The following NKAIN2 variants were observed in gnomAD, a reference collection of about 807,000 sequenced individuals.
NKAIN2 encodes sodium/potassium-transporting ATPase subunit beta-1-interacting protein 2.
In NKAIN2, 14 loss-of-function variants were observed where a neutral mutation model predicts 32.6. The observed-to-expected ratio is 0.43, with a 90% CI of 0.28 to 0.67. NKAIN2 has a LOEUF of 0.67. Ranked by LOEUF, NKAIN2 falls within the 30% of genes least tolerant of loss-of-function variation. The probability of loss-of-function intolerance (pLI) is 0.17; values close to 1 mark genes in which losing one functional copy is unlikely to be tolerated. For synonymous variants in NKAIN2, 80 were observed against 87.2 expected, an observed-to-expected ratio of 0.92 and a Z score of 0.46; for missense variants, 198 against 258.3, an observed-to-expected ratio of 0.77 and a Z score of 1.60.
chr6:124,712,076 C>T (rs1026536848), intron 4 of NKAIN2, among the ~76,000 whole-genome samples: 6 of 151,348 alleles, frequency 4.0e-5, no homozygotes, highest in South Asian at 2.1e-4. Flanking sequence ...AATACCCTGC[C>T]GTGTGAGGTG....
At chr6:124,715,320 C>T (rs573522128) in intron 4 of NKAIN2, among the ~76,000 whole-genome samples, 10 of 152,262 alleles carry the variant, frequency 6.6e-5, no homozygotes, top group Admixed American at 1.3e-4. Flanking sequence ...ATTAGGAGAA[C>T]GGGGTCACAT....
At chr6:123,831,121 CTT>C in intron 1 of NKAIN2, among the ~76,000 whole-genome samples, 1 of 152,186 alleles carries the variant, frequency 6.6e-6, no homozygotes, top group Non-Finnish European at 1.5e-5. Flanking sequence ...ATGCTTGAAA[CTT>C]TCTTTTTTTC....
At chr6:124,747,553 C>T (rs1409283359) in intron 4 of NKAIN2, among the ~76,000 whole-genome samples, 4 of 151,794 alleles carry the variant, frequency 2.6e-5, no homozygotes, top group South Asian at 2.1e-4. Context: ...GAGCTGTAAA[C>T]GTGCCAGGAA....
intron 1 of NKAIN2, among the ~76,000 whole-genome samples, chr6:124,121,428 T>C (rs1785875755): frequency 6.6e-6 from 1 of 152,070 alleles, no homozygotes; most frequent in Non-Finnish European, 1.5e-5. Flanking sequence ...GGTATATCTA[T>C]ACATAACTAA....
chr6:124,474,833 C>T (rs115920792), intron 3 of NKAIN2, among the ~76,000 whole-genome samples: 17,015 of 99,890 alleles, frequency 0.17, 1,594 homozygotes, highest in East Asian at 0.28. Flanking sequence ...ATATATTTTA[C>T]ATACATATAT....
intron 3 of NKAIN2, among the ~76,000 whole-genome samples, chr6:124,609,466 C>T (rs1033895848): frequency 3.3e-5 from 5 of 152,018 alleles, no homozygotes; most frequent in African/African-American, 1.2e-4. Flanking sequence ...ATTTATAAAT[C>T]TTGTTCCATT....
At chr6:124,529,266 G>T (rs534163101) in intron 3 of NKAIN2, among the ~76,000 whole-genome samples, 1 of 152,238 alleles carries the variant, frequency 6.6e-6, no homozygotes, top group Admixed American at 6.5e-5. Context: ...TAGAATGAAT[G>T]ATAACGTTAC....
chr6:124,225,322 C>A (rs1342733322), intron 1 of NKAIN2, among the ~76,000 whole-genome samples: 4 of 151,946 alleles, frequency 2.6e-5, no homozygotes, highest in Non-Finnish European at 5.9e-5. Context: ...CTTTTCTAGT[C>A]ATTTATGATA....
chr6:123,921,584 G>A (rs904629641), intron 1 of NKAIN2, among the ~76,000 whole-genome samples: 2 of 152,234 alleles, frequency 1.3e-5, no homozygotes, highest in African/African-American at 2.4e-5. Context: ...CTCAGAGGGC[G>A]TAATTCTGTG....
Position 124,127,056 on chromosome 6 carries a change from C to CAT in NKAIN2, c.55-155939_55-155938dup, listed in dbSNP as rs1192371922. 2.2e-3 allele frequency among the ~76,000 whole-genome samples: 330 copies of CAT among 151,644 alleles called. 2 individuals are homozygous for CAT. Among genetic ancestry groups the CAT allele is most frequent in the African/African-American group, 7.7e-3 (316 of 41,188 alleles). On this transcript the variant is annotated intron_variant, in intron 1 of 6. Coordinates refer to ENST00000368417, the MANE Select transcript of NKAIN2 (RefSeq NM_001040214.3). ...GATATGTTTCTGAATTAGAATAATA[C>CAT]ATATATATATAGAGAGAGAGAGAAG...
At chr6:123,896,403 AT>A (rs146706750) in intron 1 of NKAIN2, among the ~76,000 whole-genome samples, 11,139 of 152,072 alleles carry the variant, frequency 0.073, 1,296 homozygotes, top group African/African-American at 0.25. Flanking sequence ...AACCTGTTTA[AT>A]TTTTTTTAAA....
chr6:124,345,215 G>T (rs1208705317), intron 2 of NKAIN2, among the ~76,000 whole-genome samples: 1 of 151,890 alleles, frequency 6.6e-6, no homozygotes, highest in Non-Finnish European at 1.5e-5. Flanking sequence ...CTTTTTGATG[G>T]GCTACTGGAT....
chr6:124,600,112 A>C (rs1243764797), intron 3 of NKAIN2, among the ~76,000 whole-genome samples: 1 of 152,106 alleles, frequency 6.6e-6, no homozygotes, highest in Non-Finnish European at 1.5e-5. Flanking sequence ...TAATCACTTC[A>C]GTGAACCAAG....
At chr6:124,367,084 C>T (rs967165991) in intron 3 of NKAIN2, among the ~76,000 whole-genome samples, 2 of 152,208 alleles carry the variant, frequency 1.3e-5, no homozygotes, top group African/African-American at 4.8e-5. Flanking sequence ...GACCACACAT[C>T]ATCGTTATGC....
In NKAIN2 at chr6:124,616,607, G is replaced by A. The variant is rs1202773029; in HGVS notation, c.274-41579G>A. 2.0e-5 allele frequency among the ~76,000 whole-genome samples: 3 copies of A among 150,410 alleles called. No individual in the cohort carries two copies. In the East Asian group the frequency reaches 5.9e-4, roughly 29 times the overall value. On this transcript the variant is annotated intron_variant, in intron 3 of 6. Coordinates refer to ENST00000368417, the MANE Select transcript of NKAIN2 (RefSeq NM_001040214.3). The stretch of plus-strand genomic sequence containing the variant: ...AGCCTCCCGAGTAGCTGGGACTACA[G>A]CCGCCCGCCACCACGCCCGGCTAAT...
intron 4 of NKAIN2, among the ~76,000 whole-genome samples, chr6:124,785,761 T>A (rs1391574049): frequency 1.3e-5 from 2 of 152,290 alleles, no homozygotes; most frequent in African/African-American, 2.4e-5. Flanking sequence ...CTTTCACTGA[T>A]GCCATGGGGG....
At chr6:123,871,684 G>T (rs187218695) in intron 1 of NKAIN2, among the ~76,000 whole-genome samples, 1 of 152,152 alleles carries the variant, frequency 6.6e-6, no homozygotes, top group African/African-American at 2.4e-5. Flanking sequence ...TAGACTTCTC[G>T]TATGGAAGTG....
intron 1 of NKAIN2, among the ~76,000 whole-genome samples, chr6:124,002,295 G>T (rs1188308294): frequency 6.6e-6 from 1 of 151,980 alleles, no homozygotes; most frequent in East Asian, 1.9e-4. Context: ...CATTAAAAAT[G>T]GTAATAATAT....
At chr6:124,303,688 A>C (rs1249890836) in intron 2 of NKAIN2, among the ~76,000 whole-genome samples, 1 of 152,242 alleles carries the variant, frequency 6.6e-6, no homozygotes, top group Non-Finnish European at 1.5e-5. Context: ...TTGTCTCTAC[A>C]GGGAAGTTAT....
Sources: allele counts gnomAD v4.1 joint callset (sites outside exome capture counted in the v4.1 genomes callset), GRCh38; gene constraint gnomAD v4.1.1; transcripts MANE v1.5; gene names NCBI Gene and HGNC (gene_info 2026-07-23, HGNC 2026-07-21).